GRIK2: variants seen among roughly 807,000 people sequenced by gnomAD.
GRIK2 encodes glutamate receptor ionotropic, kainate 2.
In GRIK2, 32 loss-of-function variants were observed where a neutral mutation model predicts 100.3. The observed-to-expected ratio is 0.32, with a 90% CI of 0.24 to 0.43. The LOEUF (loss-of-function observed/expected upper bound fraction) is 0.43, where lower values mean the gene tolerates loss of function less well. Ranked by LOEUF, GRIK2 falls within the 20% of genes least tolerant of loss-of-function variation. The pLI, the probability that GRIK2 is intolerant of heterozygous loss-of-function variation, is 1.00. For missense variants in GRIK2, 843 were observed against 1,114.9 expected, an observed-to-expected ratio of 0.76 and a Z score of 3.47; for synonymous variants, 417 against 389.4, an observed-to-expected ratio of 1.07 and a Z score of -0.83.
At chr6:101,807,100 C>G (rs890117353) in intron 9 of GRIK2, among the ~76,000 whole-genome samples, 1 of 151,930 alleles carries the variant, frequency 6.6e-6, no homozygotes, top group Non-Finnish European at 1.5e-5. Flanking sequence ...AACGCTTACT[C>G]AAGTGTCTGA....
chr6:101,761,483 G>T (rs1777661808), intron 7 of GRIK2, among the ~76,000 whole-genome samples: 1 of 151,964 alleles, frequency 6.6e-6, no homozygotes, highest in Non-Finnish European at 1.5e-5. Context: ...CATTTCTCCA[G>T]AGCTCATGAT....
In GRIK2 at chr6:101,494,973, A is replaced by T. The variant is rs542378517; in HGVS notation, c.115+95581A>T. On this transcript the variant is annotated intron_variant, in intron 2 of 16. Coordinates refer to ENST00000369134, the MANE Select transcript of GRIK2 (RefSeq NM_021956.5). Reference sequence around the variant, plus strand: ...AAAAGTAATACCTATATATGCATTTATATATATATATATATATATATATAT... The same window carrying T: ...AAAAGTAATACCTATATATGCATTTTTATATATATATATATATATATATAT... 5.3e-3 allele frequency among the ~76,000 whole-genome samples: 558 copies of T among 105,094 alleles called. 8 individuals are homozygous for T. The highest frequency in any genetic ancestry group is 0.025 in the African/African-American group (536 of 21,370). The allele number at this position is 105,094 out of a possible 152,430, so 68.9% of individuals were successfully genotyped here. A position where few individuals can be genotyped will look rare whatever the true frequency, so the allele number is the denominator to read the frequency against.
chr6:101,856,872 A>G (rs1784451451), intron 10 of GRIK2, among the ~76,000 whole-genome samples: 1 of 152,220 alleles, frequency 6.6e-6, no homozygotes, highest in African/African-American at 2.4e-5. Context: ...TAAAAGAATT[A>G]AGAGATCAGC....
chr6:101,946,713 C>T (rs1408554820), intron 14 of GRIK2, among the ~76,000 whole-genome samples: 3 of 152,092 alleles, frequency 2.0e-5, no homozygotes, highest in Admixed American at 2.0e-4. Flanking sequence ...TGCCAGGATT[C>T]AGTCTGAACT....
In GRIK2 at chr6:101,924,340, T is replaced by G. The variant is rs1255232153; in HGVS notation, c.1749-261T>G. Among the ~76,000 whole-genome samples, 18 of 152,280 alleles carry G rather than the reference T, an allele frequency of 1.2e-4. No individual in the cohort carries two copies. The East Asian group carries it at 3.5e-3, about 29-fold the overall frequency. ...CCTAAGTCTTAAAAAATGTTATTGG[T>G]TTACTGATATACAGATTTTCCTCTA... On this transcript the variant is annotated intron_variant, in intron 12 of 16. Transcript: ENST00000369134.
chr6:101,631,481 G>A (rs565376227), intron 4 of GRIK2, among the ~76,000 whole-genome samples: 2 of 152,200 alleles, frequency 1.3e-5, no homozygotes, highest in South Asian at 4.2e-4. Context: ...GAGCTATAAT[G>A]CACTATGAAT....
chr6:101,660,080 C>G (rs887009074), intron 4 of GRIK2, among the ~76,000 whole-genome samples: 5 of 152,130 alleles, frequency 3.3e-5, no homozygotes, highest in Non-Finnish European at 7.3e-5. Context: ...CAACTTGGTT[C>G]CATTCTCCCC....
At chr6:102,058,507 G>T (rs1218477196) in intron 16 of GRIK2, among the ~76,000 whole-genome samples, 1 of 151,578 alleles carries the variant, frequency 6.6e-6, no homozygotes, top group African/African-American at 2.4e-5. Context: ...TAATGGAAAT[G>T]ATTCATTTTA....
At chr6:102,062,080 C>T (rs750291761) in intron 16 of GRIK2, among the ~76,000 whole-genome samples, 1 of 149,478 alleles carries the variant, frequency 6.7e-6, no homozygotes, top group Non-Finnish European at 1.5e-5. Context: ...TAATGATCCT[C>T]AATTTTTCTC....
At chr6:101,597,582 A>G (rs577998576) in intron 2 of GRIK2, among the ~76,000 whole-genome samples, 1 of 151,828 alleles carries the variant, frequency 6.6e-6, no homozygotes, top group East Asian at 2.0e-4. Flanking sequence ...GTTTTGTTCA[A>G]TGCTCTATTC....
At chr6:101,679,109 A>G (rs1771055939) in intron 5 of GRIK2, among the ~76,000 whole-genome samples, 1 of 152,212 alleles carries the variant, frequency 6.6e-6, no homozygotes, top group Admixed American at 6.5e-5. Context: ...ATCACAGGGA[A>G]AAAATAGTAA....
At chr6:101,409,189 A>G (rs1202494554) in intron 2 of GRIK2, among the ~76,000 whole-genome samples, 1 of 151,210 alleles carries the variant, frequency 6.6e-6, no homozygotes, top group Non-Finnish European at 1.5e-5. Context: ...TTTACTGTAT[A>G]TATTCTGTGT....
At chr6:101,906,240 T>C (rs1277338304) in intron 12 of GRIK2, among the ~76,000 whole-genome samples, 2 of 151,718 alleles carry the variant, frequency 1.3e-5, no homozygotes, top group Non-Finnish European at 3.0e-5. Context: ...ATATTAAAAT[T>C]GCCTGTCTAG....
chr6:101,669,593 G>C (rs1324715274), intron 4 of GRIK2, among the ~76,000 whole-genome samples: 1 of 152,048 alleles, frequency 6.6e-6, no homozygotes, highest in Non-Finnish European at 1.5e-5. Flanking sequence ...AGAAGACATG[G>C]CTGGTGAAAA....
At chr6:101,868,020 A>G (rs771247777) in intron 11 of GRIK2, among the ~76,000 whole-genome samples, 5 of 151,706 alleles carry the variant, frequency 3.3e-5, no homozygotes, top group African/African-American at 1.2e-4. Context: ...TGTTTTGGTC[A>G]TAATTTGAAG....
chr6:101,638,509 A>G (rs939219756), intron 4 of GRIK2, among the ~76,000 whole-genome samples: 1 of 152,020 alleles, frequency 6.6e-6, no homozygotes, highest in Non-Finnish European at 1.5e-5. Context: ...TGAATAAACT[A>G]AGCAATTATG....
At chr6:101,616,766 T>C (rs1409168749) in intron 2 of GRIK2, among the ~76,000 whole-genome samples, 5 of 151,800 alleles carry the variant, frequency 3.3e-5, no homozygotes, top group African/African-American at 4.8e-5. Flanking sequence ...TATTCAGCTG[T>C]GCTCTTTCTT....
intron 15 of GRIK2, among the ~76,000 whole-genome samples, chr6:102,041,264 C>A (rs1392396128): frequency 6.6e-6 from 1 of 151,568 alleles, no homozygotes; most frequent in Non-Finnish European, 1.5e-5. Flanking sequence ...ATGGATAATT[C>A]TCATAAAACA....
chr6:101,818,377 C>G lies in GRIK2; in HGVS notation c.1211C>G (p.Thr404Arg), dbSNP rs1243134449. 3 of 1,584,554 alleles carry G rather than the reference C, an allele frequency of 1.9e-6. No homozygotes were observed. Among genetic ancestry groups the G allele is most frequent in the Non-Finnish European group, 2.6e-6 (3 of 1,153,546 alleles). ...ACATATGCTATTTTATAGATTGGAA[C>G]GTGGGATCCAGCCAGTGGCCTGAAT... Reference protein sequence around the residue: ...LKEEGLEKIGTWDPASGLNMT... With the variant: ...LKEEGLEKIGRWDPASGLNMT... The change falls in exon 10 of 17, where the codon ACG becomes AGG. Residue 404 changes from threonine to arginine, a missense_variant. By Grantham distance (71) the Thr-to-Arg change is moderately conservative (BLOSUM62 -1). Coordinates refer to ENST00000369134, the MANE Select transcript of GRIK2 (RefSeq NM_021956.5).
Sources: gnomAD v4.1 joint callset for allele counts (sites outside exome capture counted in the v4.1 genomes callset) on GRCh38, gnomAD v4.1.1 for gene constraint, MANE v1.5 for transcripts, NCBI Gene and HGNC (gene_info 2026-07-23, HGNC 2026-07-21) for gene names.